The following WDR17 variants were observed in gnomAD, a reference collection of about 807,000 sequenced individuals.
WDR17 encodes the protein WD repeat-containing protein 17.
Under a neutral mutation model 161.7 loss-of-function variants are expected in WDR17, and 143 were observed. The observed-to-expected ratio is 0.88, with a 90% CI of 0.77 to 1.02. WDR17 has a LOEUF of 1.02. Ranked by LOEUF, WDR17 falls within the 50% of genes least tolerant of loss-of-function variation. The probability of loss-of-function intolerance (pLI) is 0.00; values close to 1 mark genes in which losing one functional copy is unlikely to be tolerated. For synonymous variants in WDR17, 517 were observed against 515.6 expected (o/e 1.00, Z -0.04); for missense variants, 1,469 against 1,520.9 (o/e 0.97, Z 0.57).
chr4:176,148,244 A>G lies in WDR17; in HGVS notation c.1806A>G (p.Ile602Met), dbSNP rs1004478021. The change falls in exon 13 of 29, where the codon ATA (isoleucine) becomes ATG (methionine). Residue 602 changes from isoleucine (I) to methionine (M), a missense_variant. Transcript: ENST00000508596. ...ATACTGAGATTCCATATCTGCTCATATCTGGCAGCTGGGACTATACTATAA... is the reference window on the plus strand; with the variant it reads ...ATACTGAGATTCCATATCTGCTCATGTCTGGCAGCTGGGACTATACTATAA... ...MWNTEIPYLLISGSWDYTIKV... is the reference protein window; with the variant it reads ...MWNTEIPYLLMSGSWDYTIKV... The G allele has an allele frequency of 6.2e-6, 10 of 1,614,066 alleles. No homozygotes were observed. Among genetic ancestry groups the G allele is most frequent in the Non-Finnish European group, 7.6e-6 (9 of 1,179,950 alleles).
At chr4:176,130,470 C>T (rs151060571) in intron 6 of WDR17, among the ~76,000 whole-genome samples, 1,751 of 152,110 alleles carry the variant, frequency 0.012, 14 homozygotes, top group Non-Finnish European at 0.02. Context: ...AATGGCCGGG[C>T]GCGGTGGCTC....
chr4:176,174,993 G>T (rs1446187952), intron 26 of WDR17, among the ~76,000 whole-genome samples: 3 of 152,196 alleles, frequency 2.0e-5, no homozygotes, highest in Non-Finnish European at 4.4e-5. Flanking sequence ...CTGCCGTGCA[G>T]TGATTTCTTC....
chr4:176,120,028 T>C lies in WDR17; in HGVS notation c.469T>C (p.Trp157Arg). 6.2e-7 allele frequency: 1 copy of C among 1,614,082 alleles called. No homozygotes were observed. The highest frequency in any genetic ancestry group is 1.1e-5 in the South Asian group (1 of 91,070). ...CTTGTCTGATATCTGTATGTTCAGA[T>C]GGCATACACACCAAAAGGGGAAAGT... ...SFLSDICMFR[W>R]HTHQKGKVVF... The change falls in exon 4 of 29, where the codon TGG (tryptophan) becomes CGG (arginine). Residue 157 changes from tryptophan to arginine, a missense_variant. By Grantham distance (101) the Trp-to-Arg change is moderately radical. Transcript: ENST00000508596.
intron 4 of WDR17, among the ~76,000 whole-genome samples, chr4:176,121,956 G>A (rs748489712): frequency 6.6e-6 from 1 of 152,166 alleles, no homozygotes; most frequent in Non-Finnish European, 1.5e-5. Flanking sequence ...AAGTCAGCAT[G>A]TGTTATTTTT....
intron 9 of WDR17, among the ~76,000 whole-genome samples, chr4:176,138,627 C>A (rs1744774962): frequency 6.6e-6 from 1 of 151,742 alleles, no homozygotes; most frequent in South Asian, 2.1e-4. Flanking sequence ...AAGAGATGAG[C>A]CTAAAAATGA....
chr4:176,172,205 G>A, intron 23 of WDR17, 170 bp from the exon 24 acceptor site: 1 of 601,342 alleles, frequency 1.7e-6, no homozygotes, highest in South Asian at 2.4e-5. Flanking sequence ...AGATCTTAAA[G>A]GTATTTCCAT....
Position 176,125,327 on chromosome 4 carries a change from C to T in WDR17, c.762C>T (p.Pro254=). ...AASVQCLAWV[P]SAPGMFITGD... Reference sequence around the variant, plus strand: ...CTGTACAGTGCTTAGCCTGGGTTCCCAGTGCTCCTGGGATGTTTATAACTG... The same window carrying T: ...CTGTACAGTGCTTAGCCTGGGTTCCTAGTGCTCCTGGGATGTTTATAACTG... Residue 254 remains proline, a synonymous_variant, in exon 5 of 29, where the codon CCC becomes CCT. Coordinates refer to ENST00000508596, the MANE Select transcript of WDR17 (RefSeq NM_181265.4). 6.2e-7 allele frequency: 1 copy of T among 1,614,110 alleles called. No individual in the cohort carries two copies. The highest frequency in any genetic ancestry group is 8.5e-7 in the Non-Finnish European group (1 of 1,180,006).
rs997632443 is a variant in WDR17, at chr4:176,182,405, G to GTGTATATA, written c.*2827_*2828insGTATATAT. On this transcript the variant is annotated 3_prime_UTR_variant, in exon 29 of 29. Coordinates refer to ENST00000508596, the MANE Select transcript of WDR17 (RefSeq NM_181265.4). This position sits in a 1 kb window ranked among gnomAD's most constrained non-coding sequence, Gnocchi z 4.2. ...AATATATATATGTGCGTGTGTGTGTGTATATATATATATATATATATATAT... is the reference window on the plus strand; with the variant it reads ...AATATATATATGTGCGTGTGTGTGTGTGTATATATATATATATATATATATATATATAT... The GTGTATATA allele has an allele frequency of 6.7e-6, 1 of 148,698 alleles. No homozygotes were observed. The highest frequency in any genetic ancestry group is 2.5e-5 in the African/African-American group (1 of 40,504). The allele number at this position is 148,698 out of a possible 1,614,324, so 9.2% of individuals were successfully genotyped here. A position where few individuals can be genotyped will look rare whatever the true frequency, so the allele number is the denominator to read the frequency against.
Position 176,162,145 on chromosome 4 carries a change from T to C in WDR17, c.2821T>C (p.Cys941Arg), listed in dbSNP as rs1204772048. 1 of 1,613,116 alleles carries C rather than the reference T, an allele frequency of 6.2e-7. No homozygotes were observed. The highest frequency in any genetic ancestry group is 1.1e-5 in the South Asian group (1 of 90,968). Residue 941 changes from cysteine (C) to arginine (R), a missense_variant, in exon 21 of 29, where the codon TGT becomes CGT. Coordinates refer to ENST00000508596, the MANE Select transcript of WDR17 (RefSeq NM_181265.4). ...AGATGGTCGAGCAGTACTAGCCGCA[T>C]GTTGCCATCTTGCCATAGATAATAT... ...FQDGRAVLAA[C>R]CHLAIDNIEL...
At chr4:176,140,118 A>G in intron 10 of WDR17, 144 bp downstream of exon 10, 1 of 542,962 alleles carries the variant, frequency 1.8e-6, no homozygotes, top group East Asian at 3.0e-5. Context: ...ATATAGGCAC[A>G]TACTATATTG....
intron 18 of WDR17, among the ~76,000 whole-genome samples, chr4:176,157,171 A>G (rs542116872): frequency 1.8e-4 from 28 of 152,246 alleles, no homozygotes; most frequent in African/African-American, 6.5e-4. Flanking sequence ...CTTCTATGCT[A>G]TTCATTCATT....
intron 22 of WDR17, among the ~76,000 whole-genome samples, chr4:176,167,626 G>A (rs1442241704): frequency 2.0e-5 from 2 of 102,204 alleles, no homozygotes; most frequent in African/African-American, 7.8e-5. Context: ...CAGCCTGGGC[G>A]ACAGCGAGAC....
At chr4:176,113,097 C>A (rs1483841303) in intron 2 of WDR17, among the ~76,000 whole-genome samples, 2 of 151,972 alleles carry the variant, frequency 1.3e-5, no homozygotes, top group Non-Finnish European at 2.9e-5. Flanking sequence ...ATTTTCACCC[C>A]CTTCATACAC....
chr4:176,174,804 T>A (rs1751218912), intron 26 of WDR17, 86 bp downstream of exon 26: 2 of 741,540 alleles, frequency 2.7e-6, no homozygotes. Flanking sequence ...ATACAAAGTA[T>A]CAAATATATT....
chr4:176,171,201 T>G (rs1212125655), intron 23 of WDR17, among the ~76,000 whole-genome samples: 1 of 152,190 alleles, frequency 6.6e-6, no homozygotes, highest in African/African-American at 2.4e-5. Context: ...TATTCACATA[T>G]GAGGTACTTA....
In WDR17 at chr4:176,182,633, CTCTT is replaced by C. The variant is rs1752272387; in HGVS notation, c.*3055_*3058del. On this transcript the variant is annotated 3_prime_UTR_variant, in exon 29 of 29. Transcript: ENST00000508596. The surrounding 1 kb of genome is among the most constrained non-coding windows in gnomAD (Gnocchi z 4.2). ...ATATAGAAGACATCTTTATAGTCAA[CTCTT>C]AATTAATGCTTATTGTACCAAATCT... is the stretch of plus-strand genomic sequence containing the variant. 1 of 151,892 alleles carries C rather than the reference CTCTT, an allele frequency of 6.6e-6. No individual in the cohort carries two copies. The highest frequency in any genetic ancestry group is 6.6e-5 in the Admixed American group (1 of 15,234). The allele number at this position is 151,892 out of a possible 1,614,324, so 9.4% of individuals were successfully genotyped here.
At chr4:176,096,512 A>G (rs1036581975) in intron 1 of WDR17, 2 of 1,602,186 alleles carry the variant, frequency 1.2e-6, no homozygotes, top group African/African-American at 1.4e-5. Flanking sequence ...TTAAAGTAGA[A>G]ACATTCTATG....
intron 1 of WDR17, among the ~76,000 whole-genome samples, chr4:176,092,784 G>T (rs1310912212): frequency 6.6e-6 from 1 of 152,158 alleles, no homozygotes; most frequent in Non-Finnish European, 1.5e-5. Flanking sequence ...GCTCACGTCT[G>T]TAATCTCAGC....
intron 23 of WDR17, 35 bp downstream of exon 23, chr4:176,168,818 T>A (rs776249075): frequency 6.3e-7 from 1 of 1,593,792 alleles, no homozygotes; most frequent in South Asian, 1.1e-5. Flanking sequence ...TGGTTTGGAA[T>A]GCAGTGCTAT....
Sources: allele counts gnomAD v4.1 joint callset (sites outside exome capture counted in the v4.1 genomes callset), GRCh38; gene constraint gnomAD v4.1.1; non-coding constraint Gnocchi (gnomAD v3.1); transcripts MANE v1.5; gene names NCBI Gene and HGNC (gene_info 2026-07-23, HGNC 2026-07-21).